DYNC1I2: variants seen among roughly 807,000 people sequenced by gnomAD.
The protein encoded by DYNC1I2 is cytoplasmic dynein 1 intermediate chain 2.
A neutral mutation model predicts 88.6 loss-of-function variants in DYNC1I2; 53 were observed. The observed-to-expected ratio is 0.60, with a 90% confidence interval of 0.48 to 0.75. The LOEUF is 0.75. Among genes scored for constraint, DYNC1I2 ranks in the 30% least tolerant of loss-of-function variants. The pLI is 0.00. For missense variants in DYNC1I2, 458 were observed against 766.6 expected, an observed-to-expected ratio of 0.60 and a Z score of 4.75; for synonymous variants, 198 against 254.6, an observed-to-expected ratio of 0.78 and a Z score of 2.12.
intron 3 of DYNC1I2, among the ~76,000 whole-genome samples, chr2:171,696,839 A>G (rs1685804249): frequency 1.3e-5 from 2 of 152,100 alleles, no homozygotes; most frequent in African/African-American, 2.4e-5. Flanking sequence ...ATTATATTCT[A>G]ATTTCTGATA....
At chr2:171,739,918 C>T (rs1689300859) in intron 15 of DYNC1I2, among the ~76,000 whole-genome samples, 1 of 151,986 alleles carries the variant, frequency 6.6e-6, no homozygotes, top group Admixed American at 6.6e-5. Context: ...GTTGGCCAGG[C>T]TGGTCTCAAA....
chr2:171,707,483 A>G (rs1432271170), intron 5 of DYNC1I2, 106 bp downstream of exon 5: 7 of 932,672 alleles, frequency 7.5e-6, no homozygotes, highest in Non-Finnish European at 1.0e-5. Flanking sequence ...GTTAGTCCTA[A>G]CATTTTAAAA....
intron 5 of DYNC1I2, 21 bp downstream of exon 5, chr2:171,707,398 A>G (rs779905851): frequency 1.3e-6 from 2 of 1,599,862 alleles, no homozygotes; most frequent in Admixed American, 3.5e-5. Flanking sequence ...TTTCCTTTTA[A>G]TGTTTTAATG....
At chr2:171,695,435 CCT>C (rs1236734329) in intron 3 of DYNC1I2, among the ~76,000 whole-genome samples, 1 of 152,004 alleles carries the variant, frequency 6.6e-6, no homozygotes, top group African/African-American at 2.4e-5. Context: ...TTCAGATTAT[CCT>C]CTGTTTTTCA....
intron 3 of DYNC1I2, among the ~76,000 whole-genome samples, chr2:171,693,273 A>C (rs1179644030): frequency 1.3e-5 from 2 of 152,210 alleles, no homozygotes; most frequent in African/African-American, 4.8e-5. Context: ...AATCAGACTT[A>C]TATTGTTAGA....
intron 2 of DYNC1I2, among the ~76,000 whole-genome samples, chr2:171,690,875 C>T (rs575106012): frequency 2.6e-5 from 4 of 151,880 alleles, no homozygotes; most frequent in Non-Finnish European, 5.9e-5. Context: ...AGGCTGGTCT[C>T]GAACTCCTGA....
chr2:171,743,378 G>C (rs527300137), intron 15 of DYNC1I2, among the ~76,000 whole-genome samples: 2 of 152,270 alleles, frequency 1.3e-5, no homozygotes, highest in East Asian at 1.9e-4. Context: ...GATCTCTGCA[G>C]TTCAAACCTA....
intron 15 of DYNC1I2, among the ~76,000 whole-genome samples, chr2:171,732,873 T>A (rs954178707): frequency 2.0e-5 from 3 of 152,206 alleles, no homozygotes; most frequent in Non-Finnish European, 4.4e-5. Context: ...TTTAAAACTT[T>A]TATTTTACAT....
intron 2 of DYNC1I2, among the ~76,000 whole-genome samples, chr2:171,691,985 T>C (rs1250790471): frequency 4.6e-5 from 7 of 152,216 alleles, no homozygotes; most frequent in Non-Finnish European, 1.0e-4. Context: ...ATTTTTCTGA[T>C]GACTTTTAAG....
intron 15 of DYNC1I2, among the ~76,000 whole-genome samples, chr2:171,734,581 G>T (rs1305431141): frequency 6.6e-6 from 1 of 152,130 alleles, no homozygotes; most frequent in Admixed American, 6.6e-5. Context: ...CAGTGTTACT[G>T]TACAAAGGAT....
intron 6 of DYNC1I2, among the ~76,000 whole-genome samples, chr2:171,714,696 A>G (rs1026446619): frequency 1.3e-5 from 2 of 152,216 alleles, no homozygotes; most frequent in Non-Finnish European, 2.9e-5. Context: ...AAGATCTGTC[A>G]CTTTAGTCTA....
intron 2 of DYNC1I2, among the ~76,000 whole-genome samples, chr2:171,691,620 A>G (rs2105453232): frequency 6.6e-6 from 1 of 152,336 alleles, no homozygotes; most frequent in East Asian, 1.9e-4. Flanking sequence ...GGAGCTTTAC[A>G]TTAGCTATTA....
At chr2:171,707,112 T>G in intron 4 of DYNC1I2, 175 bp from the exon 5 acceptor site, 1 of 882,600 alleles carries the variant, frequency 1.1e-6, no homozygotes, top group Non-Finnish European at 1.7e-6. Flanking sequence ...TGTTAACTTT[T>G]TGTCTTTTCC....
intron 3 of DYNC1I2, among the ~76,000 whole-genome samples, chr2:171,698,411 G>T (rs890087397): frequency 6.6e-6 from 1 of 151,876 alleles, no homozygotes; most frequent in Non-Finnish European, 1.5e-5. Context: ...TTGAGACAGG[G>T]TTTCACTTTG....
chr2:171,703,966 C>T (rs1686473818), intron 3 of DYNC1I2, among the ~76,000 whole-genome samples: 2 of 152,180 alleles, frequency 1.3e-5, no homozygotes, highest in South Asian at 4.1e-4. Flanking sequence ...CCTTCCTTAG[C>T]TTTCTACCTT....
At chr2:171,716,438 G>A (rs1484164760) in intron 7 of DYNC1I2, among the ~76,000 whole-genome samples, 1 of 152,032 alleles carries the variant, frequency 6.6e-6, no homozygotes, top group Non-Finnish European at 1.5e-5. Context: ...TTAAATTAAT[G>A]TATTTTTAAA....
chr2:171,719,202 A>T (rs1423652738), intron 7 of DYNC1I2, among the ~76,000 whole-genome samples: 1 of 57,946 alleles, frequency 1.7e-5, no homozygotes, highest in Non-Finnish European at 5.7e-5. Flanking sequence ...GATACCATGG[A>T]GCTATCCTTA....
intron 3 of DYNC1I2, among the ~76,000 whole-genome samples, chr2:171,703,232 T>C (rs1686408791): frequency 6.6e-6 from 1 of 152,150 alleles, no homozygotes; most frequent in African/African-American, 2.4e-5. Context: ...CTAAATCGTA[T>C]TGTTTAATTT....
chr2:171,691,657 G>T (rs1281572518), intron 2 of DYNC1I2, among the ~76,000 whole-genome samples: 2 of 152,172 alleles, frequency 1.3e-5, no homozygotes, highest in Non-Finnish European at 2.9e-5. Context: ...GTAGAAGCAT[G>T]ATTCAGGTTG....
Sources: gnomAD v4.1 joint callset for allele counts (sites outside exome capture counted in the v4.1 genomes callset) on GRCh38, gnomAD v4.1.1 for gene constraint, MANE v1.5 for transcripts, NCBI Gene and HGNC (gene_info 2026-07-23, HGNC 2026-07-21) for gene names.